The following ZFTRAF1 variants were observed in gnomAD, a reference collection of about 807,000 sequenced individuals.
The protein encoded by ZFTRAF1 is zinc finger TRAF-type-containing protein 1.
At chr8:144,454,917 T>C in the ZFTRAF1 span, 1 of 152,308 alleles carries the variant, frequency 6.6e-6, no homozygotes, top group African/African-American at 2.4e-5. Context: ...TCAAAGGACC[T>C]ACATGTGGAG....
chr8:144,462,325 G>A, the ZFTRAF1 span: 1 of 561,258 alleles, frequency 1.8e-6, no homozygotes, highest in South Asian at 2.0e-5. Flanking sequence ...ACACGGTGCA[G>A]CACAGCACCG....
the ZFTRAF1 span, chr8:144,462,373 C>A: frequency 2.1e-6 from 1 of 468,550 alleles, no homozygotes. Context: ...TGCCGGCCGC[C>A]GCCGCCGCCG....
chr8:144,453,471 G>A, the ZFTRAF1 span: 11 of 1,543,386 alleles, frequency 7.1e-6, no homozygotes, highest in East Asian at 2.5e-5. Context: ...CTGCGAAGAA[G>A]GAAAGGGAGA....
At chr8:144,450,986 A>G in the ZFTRAF1 span, 14 of 555,194 alleles carry the variant, frequency 2.5e-5, no homozygotes, top group Non-Finnish European at 3.9e-5. Flanking sequence ...CAGAATCAAC[A>G]TGGATTAGCT....
At chr8:144,456,805 T>TG in the ZFTRAF1 span, 2 of 133,964 alleles carry the variant, frequency 1.5e-5, no homozygotes, top group Non-Finnish European at 3.2e-5. Flanking sequence ...TGGCATCACA[T>TG]GGGGGGATGA....
the ZFTRAF1 span, chr8:144,452,534 T>C: frequency 7.8e-6 from 12 of 1,539,990 alleles, no homozygotes; most frequent in Non-Finnish European, 1.0e-5. Context: ...GGCCGTGCCA[T>C]GGGCAGCCGA....
the ZFTRAF1 span, chr8:144,462,526 AGCC>A: frequency 4.8e-4 from 69 of 143,384 alleles, no homozygotes; most frequent in South Asian, 9.7e-4. Flanking sequence ...CCTCGCCCAG[AGCC>A]GCCGCCGCCG....
chr8:144,462,297 C>T, the ZFTRAF1 span: 10 of 597,616 alleles, frequency 1.7e-5, no homozygotes, highest in South Asian at 5.3e-5. Context: ...TACACGGAGG[C>T]CTTGGGCAGG....
the ZFTRAF1 span, chr8:144,453,335 C>G: frequency 6.4e-7 from 1 of 1,551,222 alleles, no homozygotes; most frequent in Middle Eastern, 1.7e-4. Flanking sequence ...CGGCCAGGTT[C>G]CGGCAGCAGA....
the ZFTRAF1 span, chr8:144,452,681 A>G: frequency 9.6e-7 from 1 of 1,039,268 alleles, no homozygotes; most frequent in South Asian, 1.6e-5. Context: ...TGCAGGACAC[A>G]CGTAACTGTG....
the ZFTRAF1 span, among the ~76,000 whole-genome samples, chr8:144,461,963 C>G: frequency 6.6e-6 from 1 of 151,982 alleles, no homozygotes; most frequent in Non-Finnish European, 1.5e-5. Flanking sequence ...GGAGAGTGTT[C>G]AGGGGACCGT....
the ZFTRAF1 span, among the ~76,000 whole-genome samples, chr8:144,453,015 C>T: frequency 6.6e-6 from 1 of 152,230 alleles, no homozygotes; most frequent in Admixed American, 6.5e-5. Flanking sequence ...AGGCTCATGT[C>T]CGGATAACAA....
chr8:144,450,194 G>C, the ZFTRAF1 span: 12 of 579,438 alleles, frequency 2.1e-5, no homozygotes, highest in East Asian at 1.1e-4. Flanking sequence ...CAGGGGTCGG[G>C]GGGGTGAGCC....
At chr8:144,460,131 C>T in the ZFTRAF1 span, among the ~76,000 whole-genome samples, 1 of 152,174 alleles carries the variant, frequency 6.6e-6, no homozygotes, top group Non-Finnish European at 1.5e-5. Context: ...AGCCACCCGC[C>T]GGAGGTGTTC....
At chr8:144,454,682 C>G in the ZFTRAF1 span, 1 of 152,394 alleles carries the variant, frequency 6.6e-6, no homozygotes, top group African/African-American at 2.4e-5. Flanking sequence ...AGCCTCTCTA[C>G]AAGGTGTGTG....
chr8:144,461,502 T>A, the ZFTRAF1 span, among the ~76,000 whole-genome samples: 2 of 151,988 alleles, frequency 1.3e-5, no homozygotes, highest in African/African-American at 4.8e-5. Flanking sequence ...CCCACTGCCA[T>A]GCGGATGTGA....
At chr8:144,460,827 T>G in the ZFTRAF1 span, among the ~76,000 whole-genome samples, 1 of 152,102 alleles carries the variant, frequency 6.6e-6, no homozygotes, top group Non-Finnish European at 1.5e-5. Flanking sequence ...GAGGTTGCAG[T>G]GAGCAGAGAT....
At chr8:144,451,029 A>T in the ZFTRAF1 span, 1 of 456,798 alleles carries the variant, frequency 2.2e-6, no homozygotes. Context: ...GTCAGGCCAC[A>T]CCCCAGGCGT....
At chr8:144,454,508 G>C in the ZFTRAF1 span, 2 of 152,298 alleles carry the variant, frequency 1.3e-5, no homozygotes, top group Admixed American at 1.3e-4. Flanking sequence ...TCGCTGAGGG[G>C]AGCAGTCAGC....
Sources: gnomAD v4.1 joint callset for allele counts (sites outside exome capture counted in the v4.1 genomes callset) on GRCh38, gnomAD v4.1.1 for gene constraint, MANE v1.5 for transcripts, NCBI Gene and HGNC (gene_info 2026-07-23, HGNC 2026-07-21) for gene names.